The following PCBD2 variants were observed in gnomAD, a reference collection of about 807,000 sequenced individuals.
PCBD2 encodes the protein pterin-4 alpha-carbinolamine dehydratase 2.
In PCBD2, 12 loss-of-function variants were observed where a neutral mutation model predicts 16.4. The observed-to-expected ratio is 0.73, with a 90% CI of 0.47 to 1.19. PCBD2 has a LOEUF of 1.19. Among genes scored for constraint, PCBD2 ranks in the 50% most tolerant of loss-of-function variants. The pLI, the probability that PCBD2 is intolerant of heterozygous loss-of-function variation, is 0.00. For synonymous variants in PCBD2, 58 were observed against 61.8 expected (o/e 0.94, Z 0.29); for missense variants, 138 against 156.8 (o/e 0.88, Z 0.64).
chr5:134,957,586 G>C (rs1221606127), intron 2 of PCBD2, among the ~76,000 whole-genome samples: 1 of 152,154 alleles, frequency 6.6e-6, no homozygotes, highest in Non-Finnish European at 1.5e-5. Flanking sequence ...AGGATCCCTT[G>C]AGTGATCCCT....
intron 2 of PCBD2, among the ~76,000 whole-genome samples, chr5:134,911,556 C>G (rs1022688940): frequency 5.9e-5 from 9 of 152,212 alleles, no homozygotes; most frequent in Admixed American, 4.6e-4. Context: ...AAATAACTCT[C>G]TATTGTACCC....
At chr5:134,952,301 C>T (rs1751367840) in intron 2 of PCBD2, among the ~76,000 whole-genome samples, 1 of 152,026 alleles carries the variant, frequency 6.6e-6, no homozygotes, top group South Asian at 2.1e-4. Context: ...TCCTATCTAT[C>T]AGCATTCCAG....
chr5:134,935,013 A>G (rs1408642197), intron 2 of PCBD2, among the ~76,000 whole-genome samples: 1 of 152,220 alleles, frequency 6.6e-6, no homozygotes, highest in African/African-American at 2.4e-5. Context: ...TAGCACTCCT[A>G]GTGCCCATTA....
chr5:134,948,471 C>T (rs1360624836), intron 2 of PCBD2, among the ~76,000 whole-genome samples: 2 of 151,992 alleles, frequency 1.3e-5, no homozygotes, highest in South Asian at 2.1e-4. Context: ...AACCCTGCCA[C>T]CTGGAGAATA....
At chr5:134,945,000 AT>A (rs1406713632) in intron 2 of PCBD2, among the ~76,000 whole-genome samples, 1 of 152,196 alleles carries the variant, frequency 6.6e-6, no homozygotes, top group African/African-American at 2.4e-5. Context: ...AATTGGAATA[AT>A]TTTTTATAGG....
intron 2 of PCBD2, among the ~76,000 whole-genome samples, chr5:134,922,418 C>T (rs765057131): frequency 6.6e-6 from 1 of 152,096 alleles, no homozygotes; most frequent in Non-Finnish European, 1.5e-5. Flanking sequence ...CACTATCCTG[C>T]CCCTTCTGTT....
At chr5:134,923,758 T>C (rs543559779) in intron 2 of PCBD2, 9 of 391,726 alleles carry the variant, frequency 2.3e-5, no homozygotes, top group Non-Finnish European at 4.1e-5. Flanking sequence ...CCTCGGCCGA[T>C]GTGTAGGAAG....
intron 2 of PCBD2, among the ~76,000 whole-genome samples, chr5:134,951,590 A>G (rs1000082659): frequency 6.6e-6 from 1 of 152,228 alleles, no homozygotes; most frequent in African/African-American, 2.4e-5. Context: ...ATTGCCTTCC[A>G]TGATGATGAT....
Position 134,905,136 on chromosome 5 carries a change from G to A in PCBD2, c.-4G>A. 1 of 1,218,186 alleles carries A rather than the reference G, an allele frequency of 8.2e-7. No homozygotes were observed. Among genetic ancestry groups the A allele is most frequent in the East Asian group, 3.3e-5 (1 of 30,338 alleles). The allele number at this position is 1,218,186 out of a possible 1,614,324, so 75.5% of individuals were successfully genotyped here. A position where few individuals can be genotyped will look rare whatever the true frequency, so the allele number is the denominator to read the frequency against. On this transcript the variant is annotated 5_prime_UTR_variant, in exon 1 of 4. Coordinates refer to ENST00000254908, the MANE Select transcript of PCBD2 (RefSeq NM_032151.5). ...CGCGCGGGGCAGCCCTCGGCAGACG[G>A]CCAATGGCGGCGGTGCTCGGGGCGC...
intron 2 of PCBD2, among the ~76,000 whole-genome samples, chr5:134,920,360 T>C (rs991947029): frequency 2.0e-5 from 3 of 152,244 alleles, no homozygotes; most frequent in Non-Finnish European, 4.4e-5. Context: ...TAGATCCTAC[T>C]GTGACATAGA....
At chr5:134,958,956 A>T in intron 2 of PCBD2, 84 bp from the exon 3 acceptor site, 1 of 1,032,708 alleles carries the variant, frequency 9.7e-7, no homozygotes, top group Non-Finnish European at 1.5e-6. Flanking sequence ...GCCTGCCTTT[A>T]TGTGGTTGGA....
Position 134,960,637 on chromosome 5 carries a change from G to T in PCBD2, c.349G>T (p.Val117Leu), listed in dbSNP as rs1479500503. The T allele has an allele frequency of 3.7e-6, 6 of 1,613,768 alleles. No homozygotes were observed. In the South Asian group the frequency reaches 6.6e-5, roughly 18 times the overall value. The change falls in exon 4 of 4, where the codon GTG becomes TTG. Residue 117 changes from valine to leucine, a missense_variant. Transcript: ENST00000254908. ...HDCGELTKKD[V>L]KLAKFIEKAA... Reference sequence around the variant, plus strand: ...CTGTGGTGAACTGACCAAAAAAGATGTGAAGCTGGCCAAGTTTATTGAAAA... The same window carrying T: ...CTGTGGTGAACTGACCAAAAAAGATTTGAAGCTGGCCAAGTTTATTGAAAA...
At chr5:134,940,286 A>G (rs994358401) in intron 2 of PCBD2, among the ~76,000 whole-genome samples, 1 of 152,218 alleles carries the variant, frequency 6.6e-6, no homozygotes, top group Admixed American at 6.5e-5. Flanking sequence ...TCCGGGGTTT[A>G]GGGCAAGTAA....
At chr5:134,907,921 CTT>C (rs1187907367) in intron 1 of PCBD2, among the ~76,000 whole-genome samples, 29 of 121,980 alleles carry the variant, frequency 2.4e-4, no homozygotes, top group Admixed American at 3.4e-4. Context: ...CACGCCCGGA[CTT>C]TTTTTTTTTT....
intron 2 of PCBD2, chr5:134,926,130 T>C (rs1750992035): frequency 3.1e-6 from 1 of 327,810 alleles, no homozygotes; most frequent in East Asian, 4.7e-5. Flanking sequence ...TGTTTGGGTC[T>C]GAGCTTATAT....
intron 1 of PCBD2, among the ~76,000 whole-genome samples, chr5:134,906,078 T>A (rs1230190016): frequency 1.3e-5 from 2 of 152,046 alleles, no homozygotes; most frequent in African/African-American, 2.4e-5. Context: ...TTCGCCATGT[T>A]GGCCAGGCTA....
intron 2 of PCBD2, among the ~76,000 whole-genome samples, chr5:134,919,626 C>T (rs73790730): frequency 0.067 from 10,267 of 152,118 alleles, 771 homozygotes; most frequent in African/African-American, 0.19. Context: ...AAAATAACAC[C>T]CAAAACTTAG....
chr5:134,928,757 C>A (rs1182505447), intron 2 of PCBD2, among the ~76,000 whole-genome samples: 1 of 152,122 alleles, frequency 6.6e-6, no homozygotes, highest in East Asian at 1.9e-4. Flanking sequence ...ATGGTGTAAA[C>A]CCGGGAGGCA....
intron 2 of PCBD2, among the ~76,000 whole-genome samples, chr5:134,954,401 G>A (rs1050354433): frequency 3.3e-5 from 5 of 152,058 alleles, no homozygotes; most frequent in Non-Finnish European, 7.4e-5. Context: ...TATAACATTT[G>A]CATTCCATTC....
Sources: allele counts gnomAD v4.1 joint callset (sites outside exome capture counted in the v4.1 genomes callset), GRCh38; gene constraint gnomAD v4.1.1; transcripts MANE v1.5; gene names NCBI Gene and HGNC (gene_info 2026-07-23, HGNC 2026-07-21).